Variants in PBRM1 observed in about 807,000 individuals in gnomAD.
PBRM1 encodes the protein polybromo 1, also known as protein polybromo-1.
Under a neutral mutation model 194.5 loss-of-function variants are expected in PBRM1, and 27 were observed. That is an observed-to-expected ratio of 0.14 (90% CI 0.10 to 0.19). PBRM1 has a LOEUF of 0.19. Among genes scored for constraint, PBRM1 ranks in the 10% least tolerant of loss-of-function variants. PBRM1 has a pLI of 1.00. For synonymous variants in PBRM1, 655 were observed against 693.2 expected, an observed-to-expected ratio of 0.94 and a Z score of 0.87; for missense variants, 1,466 against 2,077.2, an observed-to-expected ratio of 0.71 and a Z score of 5.72.
chr3:52,680,092 G>A (rs370630730), upstream of PBRM1, among the ~76,000 whole-genome samples: 3 of 152,288 alleles, frequency 2.0e-5, no homozygotes, highest in African/African-American at 7.2e-5. Flanking sequence ...AGGCAGTCAG[G>A]CAGGCCTGGG....
chr3:52,678,984 C>T (rs1440244764), intron 1 of PBRM1, among the ~76,000 whole-genome samples: 4 of 152,158 alleles, frequency 2.6e-5, no homozygotes, highest in African/African-American at 9.7e-5. Context: ...ATCTAAACTC[C>T]AAACATTGCT....
intron 1 of PBRM1, 66 bp downstream of exon 2, chr3:52,679,508 C>A: frequency 7.0e-7 from 1 of 1,423,350 alleles, no homozygotes; most frequent in Non-Finnish European, 9.7e-7. Context: ...ACAATTTTAC[C>A]ATTAAAGGGA....
At chr3:52,614,573 T>TC (rs1199561419) in intron 15 of PBRM1, among the ~76,000 whole-genome samples, 1 of 145,158 alleles carries the variant, frequency 6.9e-6, no homozygotes, top group Non-Finnish European at 1.5e-5. Flanking sequence ...TTTCTTCCCT[T>TC]TTTTTTTTTT....
intron 22 of PBRM1, among the ~76,000 whole-genome samples, chr3:52,574,764 C>T (rs959274823): frequency 8.5e-5 from 13 of 152,172 alleles, no homozygotes; most frequent in African/African-American, 2.7e-4. Context: ...CTCCACCATA[C>T]GCAGAGAAGT....
chr3:52,569,213 A>AT (rs59228928), intron 22 of PBRM1, among the ~76,000 whole-genome samples: 9,924 of 136,376 alleles, frequency 0.073, 804 homozygotes, highest in African/African-American at 0.2. Context: ...TTTCAATATG[A>AT]TTTTTTTTTT....
At chr3:52,575,046 T>A (rs2153639984) in intron 22 of PBRM1, among the ~76,000 whole-genome samples, 1 of 152,158 alleles carries the variant, frequency 6.6e-6, no homozygotes, top group Non-Finnish European at 1.5e-5. Context: ...GGACCATGGA[T>A]ATAGACCACC....
chr3:52,629,135 A>G, intron 11 of PBRM1, 100 bp from the exon 13 acceptor site: 1 of 853,416 alleles, frequency 1.2e-6, no homozygotes, highest in Non-Finnish European at 1.8e-6. Context: ...ACTACATGGT[A>G]TCTTTACTGG....
At chr3:52,666,348 G>C (rs570368486) in intron 3 of PBRM1, among the ~76,000 whole-genome samples, 8 of 152,062 alleles carry the variant, frequency 5.3e-5, no homozygotes, top group South Asian at 2.1e-4. Context: ...TTCAGGACCA[G>C]CCTGGCCAAC....
intron 10 of PBRM1, among the ~76,000 whole-genome samples, chr3:52,637,589 C>T (rs1355996279): frequency 1.3e-5 from 2 of 151,544 alleles, no homozygotes; most frequent in Non-Finnish European, 2.9e-5. Context: ...GCTGAGATCA[C>T]GCCACTGCAC....
chr3:52,629,813 C>T (rs569784653), intron 11 of PBRM1, among the ~76,000 whole-genome samples: 1 of 152,288 alleles, frequency 6.6e-6, no homozygotes, highest in Non-Finnish European at 1.5e-5. Context: ...CGTTAACCAT[C>T]AAAATCACAA....
At chr3:52,556,376 C>T (rs1043345744) in intron 26 of PBRM1, among the ~76,000 whole-genome samples, 1 of 152,098 alleles carries the variant, frequency 6.6e-6, no homozygotes, top group African/African-American at 2.4e-5. Flanking sequence ...TTTGAACAGA[C>T]ACCATCATCT....
At chr3:52,662,604 G>A (rs1300572871) in intron 3 of PBRM1, among the ~76,000 whole-genome samples, 1 of 152,140 alleles carries the variant, frequency 6.6e-6, no homozygotes, top group Non-Finnish European at 1.5e-5. Context: ...AAGGCAGGTG[G>A]ATCATGAGGT....
At chr3:52,653,155 T>G (rs1182988037) in intron 5 of PBRM1, among the ~76,000 whole-genome samples, 1 of 152,248 alleles carries the variant, frequency 6.6e-6, no homozygotes, top group Non-Finnish European at 1.5e-5. Context: ...TTATATAATA[T>G]TCACATAAAC....
chr3:52,677,901 T>G (rs2097140555), intron 2 of PBRM1, among the ~76,000 whole-genome samples: 1 of 152,096 alleles, frequency 6.6e-6, no homozygotes. Flanking sequence ...GGCAAGCTCT[T>G]GCTCCATCAC....
rs1318843365 is a variant in PBRM1, at chr3:52,662,129, T to G, written c.528+4A>C. ...TCCATCACAAGTTCCAGCTACACAC[T>G]TACTCCTTCAGTCACTGTGCCCTGA... On this transcript the variant is annotated splice_donor_region_variant and intron_variant, in intron 4 of 29. Coordinates refer to ENST00000296302, the Ensembl canonical transcript of PBRM1. The G allele has an allele frequency of 1.2e-6, 2 of 1,613,572 alleles. No homozygotes were observed. The highest frequency in any genetic ancestry group is 3.3e-5 in the Admixed American group (2 of 59,918).
chr3:52,685,813 GCCA>G, exon 1 of PBRM1: 1 of 354,526 alleles, frequency 2.8e-6, no homozygotes, highest in Non-Finnish European at 5.1e-6. Context: ...CCCCGTGGCC[GCCA>G]CGGCTGCTGC....
intron 13 of PBRM1, 35 bp downstream of exon 14, chr3:52,627,238 A>G (rs2153577324): frequency 8.6e-7 from 1 of 1,169,406 alleles, no homozygotes; most frequent in Non-Finnish European, 1.3e-6. Context: ...ATTAACAGGA[A>G]CTGAGATGTC....
chr3:52,642,059 AAAAG>A lies in PBRM1; in HGVS notation c.996-18_996-15del. ...GCTCTTTTATTACTACAAAAAAAAA[AAAAG>A]CAATTAGACAGGGAAGGATGTTATA... On this transcript the variant is annotated splice_polypyrimidine_tract_variant and intron_variant, in intron 9 of 29. Coordinates refer to ENST00000296302, the Ensembl canonical transcript of PBRM1. 1 of 1,355,674 alleles carries A rather than the reference AAAAG, an allele frequency of 7.4e-7. No individual in the cohort carries two copies. The highest frequency in any genetic ancestry group is 1.1e-6 in the Non-Finnish European group (1 of 949,344). 84.0% of individuals were successfully genotyped at this position (1,355,674 alleles called of 1,614,324 possible). A position where few individuals can be genotyped will look rare whatever the true frequency, so the allele number is the denominator to read the frequency against.
At chr3:52,577,971 C>T (rs771792045) in intron 21 of PBRM1, among the ~76,000 whole-genome samples, 1 of 152,182 alleles carries the variant, frequency 6.6e-6, no homozygotes, top group South Asian at 2.1e-4. Flanking sequence ...CACCCTACCC[C>T]TGGCACTTAT....
Sources: allele counts gnomAD v4.1 joint callset (sites outside exome capture counted in the v4.1 genomes callset), GRCh38; gene constraint gnomAD v4.1.1; transcripts MANE v1.5; gene names NCBI Gene and HGNC (gene_info 2026-07-23, HGNC 2026-07-21).